Variants in MARCHF11 observed in about 807,000 individuals in gnomAD.
The protein encoded by MARCHF11 is E3 ubiquitin-protein ligase MARCHF11.
A neutral mutation model predicts 37.3 loss-of-function variants in MARCHF11; 29 were observed. The observed-to-expected ratio is 0.78, with a 90% CI of 0.58 to 1.06. The LOEUF (loss-of-function observed/expected upper bound fraction) is 1.06. MARCHF11 is among the 50% of genes least tolerant of loss of function. The pLI is 0.00. For synonymous variants in MARCHF11, 233 were observed against 228.0 expected (o/e 1.02, Z -0.20); for missense variants, 482 against 533.4 (o/e 0.90, Z 0.95).
At chr5:16,107,611 T>A (rs960623891) in intron 2 of MARCHF11, among the ~76,000 whole-genome samples, 2 of 152,044 alleles carry the variant, frequency 1.3e-5, no homozygotes, top group African/African-American at 2.4e-5. Context: ...AGGCCCAGCT[T>A]AAAGCCTGGA....
chr5:16,142,486 G>C (rs943566481), intron 2 of MARCHF11, among the ~76,000 whole-genome samples: 9 of 152,010 alleles, frequency 5.9e-5, no homozygotes, highest in Admixed American at 3.9e-4. Context: ...ATATATTCTA[G>C]AGCACTACCA....
At chr5:16,106,642 TA>T (rs1187762602) in intron 2 of MARCHF11, among the ~76,000 whole-genome samples, 4 of 152,178 alleles carry the variant, frequency 2.6e-5, no homozygotes, top group Admixed American at 6.5e-5. Context: ...GATTTTGCCC[TA>T]CCCTACCCTA....
chr5:16,097,278 C>T (rs1480553997), intron 2 of MARCHF11, among the ~76,000 whole-genome samples: 2 of 152,278 alleles, frequency 1.3e-5, no homozygotes, highest in Non-Finnish European at 2.9e-5. Flanking sequence ...TACGCCCTTT[C>T]TTTGTAGAGC....
chr5:16,167,708 A>G (rs1245950586), intron 2 of MARCHF11, among the ~76,000 whole-genome samples: 4 of 152,084 alleles, frequency 2.6e-5, no homozygotes, highest in African/African-American at 9.7e-5. Context: ...AACGCAATCT[A>G]TAATTAACTA....
At chr5:16,101,258 C>G (rs1464330039) in intron 2 of MARCHF11, among the ~76,000 whole-genome samples, 1 of 152,126 alleles carries the variant, frequency 6.6e-6, no homozygotes, top group Admixed American at 6.5e-5. Context: ...CTCCTGTAGT[C>G]CCAGCTACTC....
At chr5:16,069,069 A>C (rs1736394769) in intron 3 of MARCHF11, among the ~76,000 whole-genome samples, 1 of 152,206 alleles carries the variant, frequency 6.6e-6, no homozygotes, top group African/African-American at 2.4e-5. Flanking sequence ...TGAAGGAAAA[A>C]ATTGCAAGGC....
intron 2 of MARCHF11, among the ~76,000 whole-genome samples, chr5:16,135,854 C>T (rs1393912422): frequency 8.1e-5 from 9 of 111,240 alleles, no homozygotes; most frequent in South Asian, 3.0e-4. Context: ...GAAAGGAAGG[C>T]GGGAAGGGAG....
chr5:16,112,747 T>C (rs997866874), intron 2 of MARCHF11, among the ~76,000 whole-genome samples: 2 of 152,134 alleles, frequency 1.3e-5, no homozygotes, highest in African/African-American at 4.8e-5. Flanking sequence ...TTTAGCTGTG[T>C]CCCTACCTAA....
intron 3 of MARCHF11, among the ~76,000 whole-genome samples, chr5:16,089,750 G>A (rs1433711293): frequency 2.0e-5 from 3 of 152,146 alleles, no homozygotes; most frequent in Non-Finnish European, 4.4e-5. Flanking sequence ...GTTATTCAAT[G>A]TTTCCAACTT....
At chr5:16,080,707 C>T (rs186996702) in intron 3 of MARCHF11, among the ~76,000 whole-genome samples, 1 of 152,302 alleles carries the variant, frequency 6.6e-6, no homozygotes, top group East Asian at 1.9e-4. Flanking sequence ...TCCAGCTGAT[C>T]ACCATATCTT....
In MARCHF11 at chr5:16,179,500, G is replaced by C; in HGVS notation, c.76C>G (p.Pro26Ala). 6.0e-6 allele frequency: 7 copies of C among 1,164,604 alleles called. No homozygotes were observed. The highest frequency in any genetic ancestry group is 7.4e-6 in the Non-Finnish European group (7 of 945,484). 72.1% of individuals were successfully genotyped at this position (1,164,604 alleles called of 1,614,324 possible). ...ESGDAEPPPQ[P>A]PPPPPPTPPP... Reference sequence around the variant, plus strand: ...GGCGTCGGCGGCGGCGGCGGGGGAGGTTGCGGGGGAGGCTCGGCGTCCCCG... The same window carrying C: ...GGCGTCGGCGGCGGCGGCGGGGGAGCTTGCGGGGGAGGCTCGGCGTCCCCG... Residue 26 changes from proline to alanine, a missense_variant, in exon 1 of 4, where the codon CCT becomes GCT. Coordinates refer to ENST00000332432, the MANE Select transcript of MARCHF11 (RefSeq NM_001102562.3).
chr5:16,117,139 A>G (rs1737237767), intron 2 of MARCHF11, among the ~76,000 whole-genome samples: 1 of 152,184 alleles, frequency 6.6e-6, no homozygotes, highest in Non-Finnish European at 1.5e-5. Flanking sequence ...AGAATAGATG[A>G]GTTTGGCAGT....
chr5:16,153,080 A>C (rs1156370248), intron 2 of MARCHF11, among the ~76,000 whole-genome samples: 2 of 151,998 alleles, frequency 1.3e-5, no homozygotes, highest in African/African-American at 2.4e-5. Flanking sequence ...TGTGGCAGAG[A>C]GATAAAAAGT....
chr5:16,130,901 T>C (rs564166025), intron 2 of MARCHF11, among the ~76,000 whole-genome samples: 34 of 152,224 alleles, frequency 2.2e-4, no homozygotes, highest in Non-Finnish European at 4.1e-4. Flanking sequence ...ACACAAATTA[T>C]TTTAATGCAT....
intron 1 of MARCHF11, among the ~76,000 whole-genome samples, chr5:16,178,140 G>A (rs1392886170): frequency 6.6e-6 from 1 of 152,192 alleles, no homozygotes; most frequent in Non-Finnish European, 1.5e-5. Context: ...CCCAATACCC[G>A]TGGGGGAAAG....
rs1736616061 is a variant in MARCHF11, at chr5:16,081,928, G to A, written c.886+8961C>T. Reference sequence around the variant, plus strand: ...GCAGCAAAAACAAGTTCCCTTCTATGCTATTTCCCAGGATTTTAAAGGCAA... The same window carrying A: ...GCAGCAAAAACAAGTTCCCTTCTATACTATTTCCCAGGATTTTAAAGGCAA... On this transcript the variant is annotated intron_variant, in intron 3 of 3. Coordinates refer to ENST00000332432, the MANE Select transcript of MARCHF11 (RefSeq NM_001102562.3). Among the ~76,000 whole-genome samples, 3 of 152,098 alleles carry A rather than the reference G, an allele frequency of 2.0e-5. No individual in the cohort carries two copies. In the South Asian group the frequency reaches 6.2e-4, roughly 31 times the overall value.
Position 16,069,673 on chromosome 5 carries a change from T to C in MARCHF11, c.887-1880A>G, listed in dbSNP as rs192812340. 9.2e-3 allele frequency among the ~76,000 whole-genome samples: 1,407 copies of C among 152,160 alleles called. 8 individuals carry two copies. The highest frequency in any genetic ancestry group is 0.026 in the South Asian group (127 of 4,812). ...ATTCCCAGGGAAAACTGACAGAAAC[T>C]GTAATGGAAGAAAGCGGGGAAAATC... On this transcript the variant is annotated intron_variant, in intron 3 of 3. Transcript: ENST00000332432.
intron 2 of MARCHF11, among the ~76,000 whole-genome samples, chr5:16,167,531 G>C (rs1052589869): frequency 6.6e-6 from 1 of 152,062 alleles, no homozygotes; most frequent in African/African-American, 2.4e-5. Context: ...CCACATGAGG[G>C]AGGCCATCTG....
intron 2 of MARCHF11, among the ~76,000 whole-genome samples, chr5:16,168,858 T>C (rs964170855): frequency 1.3e-5 from 2 of 152,044 alleles, no homozygotes; most frequent in African/African-American, 4.8e-5. Context: ...TTTCCTCTAT[T>C]TAAAAAAAAT....
Sources: allele counts gnomAD v4.1 joint callset (sites outside exome capture counted in the v4.1 genomes callset), GRCh38; gene constraint gnomAD v4.1.1; transcripts MANE v1.5; gene names NCBI Gene and HGNC (gene_info 2026-07-23, HGNC 2026-07-21).